The following SNRPN variants were observed in gnomAD, a reference collection of about 807,000 sequenced individuals.
SNRPN encodes the protein small nuclear ribonucleoprotein polypeptide N, also known as small nuclear ribonucleoprotein-associated protein N.
SNRPN carries 7 observed loss-of-function variants against 25.2 expected under a neutral mutation model. The ratio of observed to expected loss-of-function variants is 0.28; its 90% confidence interval spans 0.16 to 0.52. The LOEUF (loss-of-function observed/expected upper bound fraction) is 0.52. SNRPN is among the 20% of genes least tolerant of loss of function. SNRPN has a pLI of 0.96. For missense variants in SNRPN, 196 were observed against 322.5 expected (o/e 0.61, Z 3.00); for synonymous variants, 124 against 110.6 (o/e 1.12, Z -0.76).
At chr15:24,915,372 C>T (rs113022495) in intron 2 of SNRPN, among the ~76,000 whole-genome samples, 25,578 of 151,980 alleles carry the variant, frequency 0.17, 2,308 homozygotes, top group South Asian at 0.26. Flanking sequence ...GTGATCTGCC[C>T]GCTTCGGCCA....
chr15:24,975,073 A>T (rs1430673631), intron 4 of SNRPN: 15 of 676,372 alleles, frequency 2.2e-5, no homozygotes, highest in African/African-American at 1.8e-4. Flanking sequence ...GGTTTGGTTT[A>T]CTTAGGGGAG....
chr15:24,832,304 A>G (rs1326522009), intron 2 of SNRPN, among the ~76,000 whole-genome samples: 1 of 151,978 alleles, frequency 6.6e-6, no homozygotes, highest in African/African-American at 2.4e-5. Flanking sequence ...TTTTAGATCT[A>G]CTCTGACAAT....
At position 24,911,113 on chromosome 15, in the gene SNRPN, T is replaced by C. The variant is rs997697840; in HGVS notation, c.-504-8898T>C. The stretch of plus-strand genomic sequence containing the variant: ...TCTGGAGAGGGATGAAGGAGATCCT[T>C]TGCAAGAAGCATGTTCTTGTGGGTA... On this transcript the variant is annotated intron_variant, in intron 2 of 11. Transcript: ENST00000400097. The C allele has an allele frequency of 1.4e-5, 18 of 1,257,278 alleles. No individual in the cohort carries two copies. The Middle Eastern group carries it at 1.4e-3, about 97-fold the overall frequency. The allele number at this position is 1,257,278 out of a possible 1,614,324, so 77.9% of individuals were successfully genotyped here. A position where few individuals can be genotyped will look rare whatever the true frequency, so the allele number is the denominator to read the frequency against.
At position 24,838,123 on chromosome 15, in the gene SNRPN, C is replaced by T. The variant is rs559938810; in HGVS notation, c.-579+8218C>T. Reference sequence around the variant, plus strand: ...AATCTCGGCTCGCTGCAAGCTCCACCTCCCTGGTTCAAGTGATTCTCCAGC... The same window carrying T: ...AATCTCGGCTCGCTGCAAGCTCCACTTCCCTGGTTCAAGTGATTCTCCAGC... On this transcript the variant is annotated intron_variant, in intron 2 of 12. Coordinates refer to the SNRPN transcript ENST00000400100. Among the ~76,000 whole-genome samples the T allele has an allele frequency of 6.6e-5, 10 of 151,994 alleles. No homozygotes were observed. In the South Asian group the frequency reaches 1.9e-3, roughly 28 times the overall value.
chr15:24,826,598 G>T (rs2050097537), intron 1 of SNRPN, among the ~76,000 whole-genome samples: 1 of 152,034 alleles, frequency 6.6e-6, no homozygotes, highest in African/African-American at 2.4e-5. Flanking sequence ...TTTGCTTCTA[G>T]TTGGCAATAC....
intron 2 of SNRPN, among the ~76,000 whole-genome samples, chr15:24,833,303 T>G (rs189984136): frequency 3.6e-4 from 55 of 152,032 alleles, no homozygotes; most frequent in Admixed American, 3.3e-3. Flanking sequence ...TACCTGATTT[T>G]TACTTATAGC....
chr15:24,863,935 A>G (rs1472122482), intron 1 of SNRPN, among the ~76,000 whole-genome samples: 1 of 149,996 alleles, frequency 6.7e-6, no homozygotes, highest in Non-Finnish European at 1.5e-5. Context: ...CGTTTGCTCT[A>G]CTTTTAAGTT....
upstream of SNRPN, among the ~76,000 whole-genome samples, chr15:24,951,427 T>C (rs1025239615): frequency 8.5e-5 from 13 of 152,194 alleles, no homozygotes; most frequent in Admixed American, 2.0e-4. Context: ...TTCATGTGCT[T>C]ATTGGCCATT....
chr15:24,881,962 A>G (rs935392209), intron 1 of SNRPN, among the ~76,000 whole-genome samples: 3 of 152,136 alleles, frequency 2.0e-5, no homozygotes, highest in Admixed American at 1.3e-4. Context: ...TGAAGTGGCC[A>G]TGGGTTTTCA....
intron 2 of SNRPN, among the ~76,000 whole-genome samples, chr15:24,915,880 C>T (rs186972920): frequency 2.6e-5 from 4 of 150,972 alleles, no homozygotes; most frequent in Middle Eastern, 7.0e-3. Flanking sequence ...TGATATTCAG[C>T]TAGTTCTATA....
At chr15:24,848,280 T>C (rs2052433825) in intron 2 of SNRPN, 1 of 106,710 alleles carries the variant, frequency 9.4e-6, no homozygotes, top group African/African-American at 3.2e-5. Context: ...GGGCAGATCC[T>C]ATTTGCGCCT....
At chr15:24,925,389 C>G (rs1003798901) in intron 3 of SNRPN, among the ~76,000 whole-genome samples, 3 of 151,764 alleles carry the variant, frequency 2.0e-5, no homozygotes, top group Non-Finnish European at 4.4e-5. Flanking sequence ...ATGGGAAGAT[C>G]GCTCAAGGCC....
chr15:24,927,240 C>T (rs1177306175), intron 3 of SNRPN, among the ~76,000 whole-genome samples: 2 of 151,910 alleles, frequency 1.3e-5, no homozygotes, highest in African/African-American at 4.8e-5. Flanking sequence ...CCTGCCTGAG[C>T]CTCCAGAATA....
intron 3 of SNRPN, among the ~76,000 whole-genome samples, chr15:24,933,820 G>A (rs2061044807): frequency 1.3e-5 from 2 of 152,298 alleles, no homozygotes; most frequent in East Asian, 1.9e-4. Flanking sequence ...CAGTCTTCTG[G>A]TAAGATACGG....
intron 2 of SNRPN, among the ~76,000 whole-genome samples, chr15:24,918,390 A>G (rs1411867491): frequency 9.9e-6 from 1 of 100,906 alleles, no homozygotes; most frequent in Non-Finnish European, 2.0e-5. Flanking sequence ...CATAATATAT[A>G]TGTGTATATA....
Position 24,962,234 on chromosome 15 carries a change from A to C in SNRPN, c.-295+25A>C, listed in dbSNP as rs140705231. 5.4e-3 allele frequency: 8,555 copies of C among 1,582,586 alleles called. 29 individuals carry two copies. Among genetic ancestry groups the C allele is most frequent in the Non-Finnish European group, 6.9e-3 (7,925 of 1,151,388 alleles). Reference sequence around the variant, plus strand: ...AGTGAGTACAGACTGTGTTGGGAACAAATGCAAGTCAGAATCTCCTTTCAG... The same window carrying C: ...AGTGAGTACAGACTGTGTTGGGAACCAATGCAAGTCAGAATCTCCTTTCAG... On this transcript the variant is annotated intron_variant, in intron 2 of 9. Coordinates refer to ENST00000390687, the MANE Select transcript of SNRPN (RefSeq NM_003097.6).
chr15:24,825,919 A>G (rs2050046435), intron 1 of SNRPN, among the ~76,000 whole-genome samples: 1 of 152,088 alleles, frequency 6.6e-6, no homozygotes, highest in African/African-American at 2.4e-5. Context: ...CAGGTTTATC[A>G]GACGCATATA....
intron 1 of SNRPN, among the ~76,000 whole-genome samples, chr15:24,857,582 T>A (rs951807737): frequency 1.9e-4 from 1 of 5,330 alleles, no homozygotes. Flanking sequence ...TGTGAGTATT[T>A]GGGAATTTTT....
At chr15:24,858,769 C>T (rs2053685876) in intron 1 of SNRPN, among the ~76,000 whole-genome samples, 1 of 152,136 alleles carries the variant, frequency 6.6e-6, no homozygotes, top group African/African-American at 2.4e-5. Context: ...CCACTGCACT[C>T]CAGTCTGGGT....
Sources: allele counts gnomAD v4.1 joint callset (sites outside exome capture counted in the v4.1 genomes callset), GRCh38; gene constraint gnomAD v4.1.1; transcripts MANE v1.5; gene names NCBI Gene and HGNC (gene_info 2026-07-23, HGNC 2026-07-21).